Variants in AK9 observed in about 807,000 individuals in gnomAD.
The protein encoded by AK9 is adenylate kinase 9.
Under a neutral mutation model 239.6 loss-of-function variants are expected in AK9, and 191 were observed. The observed-to-expected ratio is 0.80, with a 90% CI of 0.71 to 0.90. The LOEUF is 0.90. Among genes scored for constraint, AK9 ranks in the 40% least tolerant of loss-of-function variants. The pLI, the probability that AK9 is intolerant of heterozygous loss-of-function variation, is 0.00. For synonymous variants in AK9, 689 were observed against 721.0 expected, an observed-to-expected ratio of 0.96 and a Z score of 0.71; for missense variants, 1,995 against 2,214.7, an observed-to-expected ratio of 0.90 and a Z score of 1.99.
chr6:109,636,775 C>CACACAT (rs1453734116), intron 10 of AK9, among the ~76,000 whole-genome samples: 1 of 151,314 alleles, frequency 6.6e-6, no homozygotes, highest in Non-Finnish European at 1.5e-5. Flanking sequence ...CACACACACA[C>CACACAT]ACACACACCA....
At position 109,644,803 on chromosome 6, in the gene AK9, C is replaced by T. The variant is rs1015185972; in HGVS notation, c.760-115G>A. On this transcript the variant is annotated intron_variant, in intron 8 of 40. Transcript: ENST00000424296. ...TTTAAAGTAAATTGTTTGCCTTATACATGCTATAATGTATGTTATTTTCAA... is the reference window on the plus strand; with the variant it reads ...TTTAAAGTAAATTGTTTGCCTTATATATGCTATAATGTATGTTATTTTCAA... 11 of 768,218 alleles carry T rather than the reference C, an allele frequency of 1.4e-5. No homozygotes were observed. In the African/African-American group the frequency reaches 2.0e-4, roughly 14 times the overall value. The allele number at this position is 768,218 out of a possible 1,614,324, so 47.6% of individuals were successfully genotyped here. A position where few individuals can be genotyped will look rare whatever the true frequency, so the allele number is the denominator to read the frequency against.
rs1387531303 is a variant in AK9 at position 109,498,981 on chromosome 6, AT to A, written c.5046+62del. On this transcript the variant is annotated intron_variant, in intron 36 of 40. Coordinates refer to ENST00000424296, the MANE Select transcript of AK9 (RefSeq NM_001145128.3). Reference sequence around the variant, plus strand: ...TCTGGGTGCCTATCCCTTCCTATTGATTGATTCCAAGATAAGACATTTTCTT... The same window carrying A: ...TCTGGGTGCCTATCCCTTCCTATTGATGATTCCAAGATAAGACATTTTCTT... 6.7e-6 allele frequency: 9 copies of A among 1,334,358 alleles called. No individual in the cohort carries two copies. The Admixed American group carries it at 2.9e-4, about 43-fold the overall frequency. The allele number at this position is 1,334,358 out of a possible 1,614,324, so 82.7% of individuals were successfully genotyped here. A position where few individuals can be genotyped will look rare whatever the true frequency, so the allele number is the denominator to read the frequency against.
intron 23 of AK9, 72 bp downstream of exon 23, chr6:109,564,008 C>T: frequency 7.2e-7 from 1 of 1,382,654 alleles, no homozygotes; most frequent in Non-Finnish European, 9.8e-7. Context: ...TCAAAGAAGG[C>T]TTTCAAGTTT....
Position 109,599,548 on chromosome 6 carries a change from G to A in AK9, c.1842+10817C>T, listed in dbSNP as rs1026442163. On this transcript the variant is annotated intron_variant, in intron 17 of 40. Coordinates refer to ENST00000424296, the MANE Select transcript of AK9 (RefSeq NM_001145128.3). ...TGCTCCTTTGGCTTAGGATTGACTT[G>A]GCAATGCAGGCTCTTTTTTGGTTCC... is the stretch of plus-strand genomic sequence containing the variant. 4.3e-4 allele frequency among the ~76,000 whole-genome samples: 66 copies of A among 151,960 alleles called. No individual in the cohort carries two copies. In the South Asian group the frequency reaches 5.0e-3, roughly 12 times the overall value.
intron 12 of AK9, among the ~76,000 whole-genome samples, chr6:109,622,572 T>A (rs1331045530): frequency 2.1e-5 from 3 of 145,954 alleles, no homozygotes; most frequent in Non-Finnish European, 4.5e-5. Context: ...TATATTAATA[T>A]AATATATGCA....
At chr6:109,509,981 G>A (rs926171978) in intron 32 of AK9, among the ~76,000 whole-genome samples, 1 of 152,112 alleles carries the variant, frequency 6.6e-6, no homozygotes, top group African/African-American at 2.4e-5. Context: ...CTCTGCTCCT[G>A]GCCCTACTCC....
intron 27 of AK9, among the ~76,000 whole-genome samples, chr6:109,541,284 A>G (rs1782845976): frequency 6.6e-6 from 1 of 152,170 alleles, no homozygotes; most frequent in Non-Finnish European, 1.5e-5. Context: ...CATATCTCAG[A>G]GGTTATTAAA....
chr6:109,647,739 C>A (rs1798280666), intron 8 of AK9, among the ~76,000 whole-genome samples: 1 of 152,188 alleles, frequency 6.6e-6, no homozygotes, highest in African/African-American at 2.4e-5. Context: ...ACAAGCAGAT[C>A]TAATAGACAT....
chr6:109,671,862 T>C (rs975880347), intron 5 of AK9, 57 bp downstream of exon 5: 6 of 1,516,638 alleles, frequency 4.0e-6, no homozygotes, highest in Middle Eastern at 1.7e-4. Flanking sequence ...TTGCCTCAGA[T>C]AAAGCATGAG....
In AK9 at chr6:109,509,363, T is replaced by C; in HGVS notation, c.4297A>G (p.Ser1433Gly). Residue 1433 changes from serine (S) to glycine (G), a missense_variant, in exon 33 of 41, where the codon AGT (serine) becomes GGT (glycine). Physicochemically the swap from Ser to Gly is moderately conservative, Grantham distance 56. Around this residue, in one of 5 missense-constraint regions of AK9, gnomAD observed 1,290 missense variants for 1,392.7 expected, o/e 0.93. Coordinates refer to ENST00000424296, the MANE Select transcript of AK9 (RefSeq NM_001145128.3). ...GATAAATGCTTTAACCCATATTCAC[T>C]TGTAATTTTTTTGGCAACTGAAAAA... is the stretch of plus-strand genomic sequence containing the variant. ...GKTTVAKKIT[S>G]EYGLKHLSIG... 6.5e-7 allele frequency: 1 copy of C among 1,548,594 alleles called. No homozygotes were observed. The highest frequency in any genetic ancestry group is 8.7e-7 in the Non-Finnish European group (1 of 1,146,164).
rs530704428 is a variant in AK9 at position 109,632,851 on chromosome 6, TGACAGATAGA to T, written c.1254+62_1254+71del. 1.2e-3 allele frequency: 1,679 copies of T among 1,408,642 alleles called. 3 individuals are homozygous for T. The highest frequency in any genetic ancestry group is 1.4e-3 in the Non-Finnish European group (1,512 of 1,062,650). 87.3% of individuals were successfully genotyped at this position (1,408,642 alleles called of 1,614,324 possible). A position where few individuals can be genotyped will look rare whatever the true frequency, so the allele number is the denominator to read the frequency against. On this transcript the variant is annotated intron_variant, in intron 12 of 40. Coordinates refer to ENST00000424296, the MANE Select transcript of AK9 (RefSeq NM_001145128.3). ...CAAATTATAATCGAGTATAGATACA[TGACAGATAGA>T]CATAGATAGATAGATAGATAGATAG... is the stretch of plus-strand genomic sequence containing the variant.
intron 29 of AK9, among the ~76,000 whole-genome samples, chr6:109,523,841 G>A (rs1050366943): frequency 9.2e-5 from 14 of 152,086 alleles, no homozygotes; most frequent in African/African-American, 3.4e-4. Context: ...ATTCATTGCA[G>A]GCATGACAGA....
rs79054073 is a variant in AK9, at chr6:109,511,339, A to G, written c.4280-1959T>C. Among the ~76,000 whole-genome samples the G allele has an allele frequency of 2.8e-3, 424 of 152,298 alleles. 1 individual carries two copies. Among genetic ancestry groups the G allele is most frequent in the African/African-American group, 9.7e-3 (405 of 41,560 alleles). On this transcript the variant is annotated intron_variant, in intron 32 of 40. Transcript: ENST00000424296. The stretch of plus-strand genomic sequence containing the variant: ...AATAATTTTTAAAATGTATAATGGC[A>G]CACTTGACATTTTAATAGTGACTTA...
At chr6:109,585,009 GATA>G (rs914630399) in intron 19 of AK9, 111 bp downstream of exon 19, 3 of 744,758 alleles carry the variant, frequency 4.0e-6, no homozygotes, top group East Asian at 1.2e-4. Flanking sequence ...ATCAGATCAA[GATA>G]ATAAATTATC....
rs568961268 is a variant in AK9 at position 109,586,828 on chromosome 6, G to T, written c.1843-756C>A. Among the ~76,000 whole-genome samples the T allele has an allele frequency of 2.2e-4, 33 of 152,212 alleles. No homozygotes were observed. The East Asian group carries it at 5.4e-3, about 25-fold the overall frequency. Reference sequence around the variant, plus strand: ...ACACATATTTGGAAATTAGTAATGTGTATCTATGAAAACACCAATTCTGAG... The same window carrying T: ...ACACATATTTGGAAATTAGTAATGTTTATCTATGAAAACACCAATTCTGAG... On this transcript the variant is annotated intron_variant, in intron 17 of 40. Transcript: ENST00000424296.
At chr6:109,593,448 G>A (rs188326593) in intron 17 of AK9, among the ~76,000 whole-genome samples, 92 of 152,160 alleles carry the variant, frequency 6.0e-4, no homozygotes, top group African/African-American at 1.4e-3. Context: ...AAGAGGAGCC[G>A]GTACCATTCC....
chr6:109,575,591 G>A lies in AK9; in HGVS notation c.2192-1997C>T, dbSNP rs143430131. On this transcript the variant is annotated intron_variant, in intron 20 of 40. Transcript: ENST00000424296. ...TCTGGATATTAGTCCTTTGTCAGAT[G>A]CGTAGTTTGTGAAGATTTTCTCCCA... Among the ~76,000 whole-genome samples, 855 of 152,170 alleles carry A rather than the reference G, an allele frequency of 5.6e-3. 9 individuals are homozygous for A. The highest frequency in any genetic ancestry group is 0.02 in the African/African-American group (825 of 41,514).
At chr6:109,544,540 C>T (rs1377999745) in intron 26 of AK9, among the ~76,000 whole-genome samples, 2 of 152,094 alleles carry the variant, frequency 1.3e-5, no homozygotes, top group Non-Finnish European at 2.9e-5. Flanking sequence ...GTGGCACCTC[C>T]CACCTCACTC....
chr6:109,651,151 C>T (rs891666613), intron 8 of AK9, among the ~76,000 whole-genome samples: 10 of 151,874 alleles, frequency 6.6e-5, no homozygotes, highest in Non-Finnish European at 1.0e-4. Flanking sequence ...TTAATGGGTG[C>T]AGCACACCAA....
Sources: gnomAD v4.1 joint callset for allele counts (sites outside exome capture counted in the v4.1 genomes callset) on GRCh38, gnomAD v4.1.1 for gene constraint, gnomAD v4.1.1 regional missense constraint, MANE v1.5 for transcripts, NCBI Gene and HGNC (gene_info 2026-07-23, HGNC 2026-07-21) for gene names.